EPB41: variants seen among roughly 807,000 people sequenced by gnomAD.
The protein encoded by EPB41 is erythrocyte membrane protein band 4.1.
EPB41 carries 65 observed loss-of-function variants against 108.0 expected under a neutral mutation model. That is an observed-to-expected ratio of 0.60 (90% CI 0.49 to 0.74). The LOEUF is 0.74. Among genes scored for constraint, EPB41 ranks in the 30% least tolerant of loss-of-function variants. The pLI, the probability that EPB41 is intolerant of heterozygous loss-of-function variation, is 0.00. For missense variants in EPB41, 875 were observed against 1,037.0 expected, an observed-to-expected ratio of 0.84 and a Z score of 2.15; for synonymous variants, 336 against 358.9, an observed-to-expected ratio of 0.94 and a Z score of 0.72.
chr1:28,960,335 A>G (rs542390562), intron 1 of EPB41, among the ~76,000 whole-genome samples: 1 of 151,922 alleles, frequency 6.6e-6, no homozygotes, highest in Non-Finnish European at 1.5e-5. Context: ...TGAATAAAGC[A>G]TTTGGAATTG....
intron 1 of EPB41, among the ~76,000 whole-genome samples, chr1:28,934,097 G>C (rs901665848): frequency 1.3e-5 from 2 of 152,010 alleles, no homozygotes; most frequent in African/African-American, 4.8e-5. Context: ...TTGTTTCTCA[G>C]ACTTGCTTTG....
intron 1 of EPB41, among the ~76,000 whole-genome samples, chr1:28,898,806 C>T (rs955112292): frequency 6.6e-6 from 1 of 152,264 alleles, no homozygotes; most frequent in African/African-American, 2.4e-5. Flanking sequence ...ACCCCCTGCA[C>T]TAGATGCCCT....
At chr1:29,036,924 C>T (rs962652453) in intron 10 of EPB41, among the ~76,000 whole-genome samples, 1 of 151,910 alleles carries the variant, frequency 6.6e-6, no homozygotes, top group Non-Finnish European at 1.5e-5. Flanking sequence ...TCATGATCTG[C>T]CCACCTCGGC....
intron 1 of EPB41, among the ~76,000 whole-genome samples, chr1:28,940,050 T>C (rs925871272): frequency 4.6e-5 from 7 of 152,162 alleles, no homozygotes; most frequent in African/African-American, 1.7e-4. Context: ...ACTTGGATGC[T>C]TCAGTCATCT....
chr1:29,014,747 A>G (rs575864868), intron 5 of EPB41, among the ~76,000 whole-genome samples: 1 of 152,324 alleles, frequency 6.6e-6, no homozygotes, highest in South Asian at 2.1e-4. Context: ...ATGTATATAG[A>G]CACACACACG....
At chr1:29,096,063 T>G in intron 16 of EPB41, 2 of 768,094 alleles carry the variant, frequency 2.6e-6, no homozygotes, top group Non-Finnish European at 3.2e-6. Flanking sequence ...GCAATATTTT[T>G]GAGGCTTCCA....
intron 12 of EPB41, among the ~76,000 whole-genome samples, chr1:29,057,368 T>C (rs1366774122): frequency 2.1e-5 from 2 of 93,386 alleles, no homozygotes. Context: ...AGTGAGACTC[T>C]GTCTCAAAAA....
At chr1:29,087,163 C>G (rs920095193) in intron 16 of EPB41, among the ~76,000 whole-genome samples, 2 of 151,630 alleles carry the variant, frequency 1.3e-5, no homozygotes, top group African/African-American at 4.8e-5. Context: ...GGATGGTCTC[C>G]ATCTCCTGAC....
At chr1:28,908,766 A>T (rs2092033547) in intron 1 of EPB41, among the ~76,000 whole-genome samples, 1 of 151,948 alleles carries the variant, frequency 6.6e-6, no homozygotes, top group South Asian at 2.1e-4. Flanking sequence ...TGGGAAACAA[A>T]CTCAATGTCC....
At chr1:28,929,789 C>T (rs2093641358) in intron 1 of EPB41, among the ~76,000 whole-genome samples, 1 of 151,116 alleles carries the variant, frequency 6.6e-6, no homozygotes, top group Non-Finnish European at 1.5e-5. Flanking sequence ...CCGCCTTGGC[C>T]TCCCAAAGTG....
chr1:28,972,071 G>A (rs889373863), intron 1 of EPB41, among the ~76,000 whole-genome samples: 5 of 151,762 alleles, frequency 3.3e-5, no homozygotes, highest in Non-Finnish European at 7.4e-5. Flanking sequence ...ACAGGTGCAC[G>A]CTACCATGCC....
chr1:28,957,139 G>A (rs886626408), intron 1 of EPB41, among the ~76,000 whole-genome samples: 3 of 152,258 alleles, frequency 2.0e-5, no homozygotes, highest in Non-Finnish European at 4.4e-5. Flanking sequence ...CATGTATCTT[G>A]TAGGTATGGC....
rs1416592102 is a variant in EPB41, at chr1:28,904,860, C to T, written c.-8+17650C>T. 5.3e-5 allele frequency among the ~76,000 whole-genome samples: 8 copies of T among 151,890 alleles called. No homozygotes were observed. The South Asian group carries it at 1.5e-3, about 28-fold the overall frequency. On this transcript the variant is annotated intron_variant, in intron 1 of 16. Coordinates refer to the EPB41 transcript ENST00000347529. ...CATCCTGGCTAACACGGTGAAACCC[C>T]ATCTCTAAAAATACAAAAAAATTAG...
chr1:29,074,848 A>G (rs2151158418), intron 16 of EPB41, among the ~76,000 whole-genome samples: 1 of 152,344 alleles, frequency 6.6e-6, no homozygotes, highest in Admixed American at 6.5e-5. Context: ...GAGAAAACAC[A>G]CTTTAGGAAT....
intron 1 of EPB41, among the ~76,000 whole-genome samples, chr1:28,917,145 A>G (rs944526073): frequency 1.3e-5 from 2 of 152,122 alleles, no homozygotes; most frequent in African/African-American, 2.4e-5. Context: ...TTCTTATGCA[A>G]TATGGCTACA....
intron 7 of EPB41, among the ~76,000 whole-genome samples, chr1:29,027,503 G>A (rs1431017826): frequency 6.6e-6 from 1 of 151,756 alleles, no homozygotes; most frequent in Non-Finnish European, 1.5e-5. Context: ...GGCTAATTTT[G>A]TACTTTTAGT....
chr1:29,109,289 C>G (rs748416474), intron 17 of EPB41, 47 bp from the exon 18 acceptor site: 5 of 1,441,954 alleles, frequency 3.5e-6, no homozygotes, highest in African/African-American at 2.8e-5. Flanking sequence ...CAACATTTGC[C>G]CAGTCTTCCT....
At chr1:28,945,146 T>A (rs2094448929) in intron 1 of EPB41, among the ~76,000 whole-genome samples, 1 of 152,050 alleles carries the variant, frequency 6.6e-6, no homozygotes, top group African/African-American at 2.4e-5. Flanking sequence ...TCTTTAAATT[T>A]GGAGGTAATA....
chr1:29,099,128 GAA>G (rs1456576384), intron 17 of EPB41, among the ~76,000 whole-genome samples: 8 of 150,646 alleles, frequency 5.3e-5, no homozygotes, highest in Non-Finnish European at 8.9e-5. Context: ...CCAACGTGGT[GAA>G]ACCCCATCTC....
Sources: allele counts gnomAD v4.1 joint callset (sites outside exome capture counted in the v4.1 genomes callset), GRCh38; gene constraint gnomAD v4.1.1; transcripts MANE v1.5; gene names NCBI Gene and HGNC (gene_info 2026-07-23, HGNC 2026-07-21).